Variants in TTYH3 observed in about 807,000 individuals in gnomAD.
TTYH3 encodes protein tweety homolog 3.
A neutral mutation model predicts 68.2 loss-of-function variants in TTYH3; 23 were observed. The observed-to-expected ratio is 0.34, with a 90% CI of 0.24 to 0.48. The LOEUF is 0.48. Ranked by LOEUF, TTYH3 falls within the 20% of genes least tolerant of loss-of-function variation. The pLI, the probability that TTYH3 is intolerant of heterozygous loss-of-function variation, is 0.99. For missense variants in TTYH3, 768 were observed against 727.7 expected, an observed-to-expected ratio of 1.06 and a Z score of -0.64; for synonymous variants, 360 against 332.8, an observed-to-expected ratio of 1.08 and a Z score of -0.89.
rs1271996324 is a variant in TTYH3, at chr7:2,648,971, G to GTT, written c.723-595_723-594insTT. On this transcript the variant is annotated intron_variant, in intron 5 of 13. Coordinates refer to ENST00000258796, the MANE Select transcript of TTYH3 (RefSeq NM_025250.3). ...AGTGGGGTGTGGGGCCCGCAGTGGG[G>GTT]TGTGGGGCCTGCACTGGGGTGTGTT... Among the ~76,000 whole-genome samples, 2 of 141,330 alleles carry GTT rather than the reference G, an allele frequency of 1.4e-5. 1 individual carries two copies. The highest frequency in any genetic ancestry group is 5.4e-5 in the African/African-American group (2 of 36,986). 92.7% of individuals were successfully genotyped at this position (141,330 alleles called of 152,430 possible).
In TTYH3 at chr7:2,632,232, A is replaced by T. The variant is rs1362566399; in HGVS notation, c.77A>T (p.Glu26Val). The T allele has an allele frequency of 6.3e-7, 1 of 1,586,148 alleles. No individual in the cohort carries two copies. ...CTGCCCCACTTCGACCTGAGCTGGG[A>T]GGCCACTAGCAGCCAGTTCCGGCCC... is the stretch of plus-strand genomic sequence containing the variant. ...HRLPHFDLSW[E>V]ATSSQFRPED... Residue 26 changes from glutamate (E) to valine (V), a missense_variant, in exon 1 of 14, where the codon GAG (glutamate) becomes GTG (valine). Transcript: ENST00000258796.
intron 1 of TTYH3, among the ~76,000 whole-genome samples, chr7:2,641,412 C>G (rs1250173165): frequency 7.1e-6 from 1 of 141,344 alleles, no homozygotes; most frequent in Non-Finnish European, 1.5e-5. Flanking sequence ...GGGGGTGGCC[C>G]AGGGCCGAGA....
intron 1 of TTYH3, among the ~76,000 whole-genome samples, chr7:2,643,586 A>G (rs568873370): frequency 6.2e-4 from 94 of 152,278 alleles, no homozygotes; most frequent in African/African-American, 2.2e-3. Context: ...GCCCCTGGGC[A>G]TCAGCCCTCT....
intron 11 of TTYH3, among the ~76,000 whole-genome samples, chr7:2,656,985 C>T (rs1056888732): frequency 6.6e-6 from 1 of 152,254 alleles, no homozygotes; most frequent in Admixed American, 6.5e-5. Context: ...GTCCAGGTAG[C>T]TGTGGCCTCC....
At chr7:2,652,874 C>G (rs758638795) in intron 8 of TTYH3, 44 bp from the exon 9 acceptor site, 1 of 1,466,122 alleles carries the variant, frequency 6.8e-7, no homozygotes. Flanking sequence ...GAGAGGCGGG[C>G]GGACCCAGCA....
intron 13 of TTYH3, chr7:2,660,640 A>G: frequency 1.3e-6 from 1 of 765,024 alleles, no homozygotes; most frequent in South Asian, 6.4e-5. Context: ...TCCTCCCCCC[A>G]CCCCCTCCGT....
chr7:2,645,131 C>T lies in TTYH3; in HGVS notation c.124-1722C>T, dbSNP rs1017345313. On this transcript the variant is annotated intron_variant, in intron 1 of 13. Transcript: ENST00000258796. This position sits in a 1 kb window ranked among gnomAD's most constrained non-coding sequence, Gnocchi z 4.8. ...CCCCAGCTGCTGACACCCCCCAGGG[C>T]ACCCCCAAGTTAGCCTCTAGGTGGT... Among the ~76,000 whole-genome samples, 4 of 145,282 alleles carry T rather than the reference C, an allele frequency of 2.8e-5. No individual in the cohort carries two copies. The highest frequency in any genetic ancestry group is 2.2e-4 in the South Asian group (1 of 4,464).
In TTYH3 at chr7:2,645,067, G is replaced by C. The variant is rs781742756; in HGVS notation, c.124-1786G>C. 1.3e-5 allele frequency among the ~76,000 whole-genome samples: 2 copies of C among 152,336 alleles called. No individual in the cohort carries two copies. Reference sequence around the variant, plus strand: ...CTCTGCAGTAGTGCCAATGAGGGCAGCGCAGGTGTGCCTGGTGGCCACCCC... The same window carrying C: ...CTCTGCAGTAGTGCCAATGAGGGCACCGCAGGTGTGCCTGGTGGCCACCCC... On this transcript the variant is annotated intron_variant, in intron 1 of 13. Transcript: ENST00000258796. This position sits in a 1 kb window ranked among gnomAD's most constrained non-coding sequence, Gnocchi z 4.8.
chr7:2,639,768 CTG>C, intron 1 of TTYH3, among the ~76,000 whole-genome samples: 1 of 152,326 alleles, frequency 6.6e-6, no homozygotes, highest in South Asian at 2.1e-4. Flanking sequence ...TCAGTGGCCT[CTG>C]TGGAGCCTGT....
At chr7:2,638,364 C>T (rs577461917) in intron 1 of TTYH3, among the ~76,000 whole-genome samples, 3 of 142,680 alleles carry the variant, frequency 2.1e-5, no homozygotes, top group South Asian at 2.6e-4. Context: ...AGGGGGAGGG[C>T]GGGCGTGGGC....
chr7:2,646,796 C>T (rs1583564165), intron 1 of TTYH3, 57 bp from the exon 2 acceptor site: 9 of 1,524,328 alleles, frequency 5.9e-6, no homozygotes, highest in Non-Finnish European at 7.1e-6. Context: ...TGGGGCGGGG[C>T]GTGGGACTCT....
At position 2,656,145 on chromosome 7, in the gene TTYH3, G is replaced by A. The variant is rs1041688087; in HGVS notation, c.1074G>A (p.Gln358=). 1.3e-6 allele frequency: 2 copies of A among 1,571,024 alleles called. No homozygotes were observed. The highest frequency in any genetic ancestry group is 1.4e-5 in the African/African-American group (1 of 73,916). The change falls in exon 10 of 14, where the codon CAG becomes CAA. Residue 358 remains glutamine (Q), a synonymous_variant. Transcript: ENST00000258796. Reference sequence around the variant, plus strand: ...TGAATGGCACGGAGGTGAACCTGCAGCACCTCACCGCCCTGGTGGACTGCC... The same window carrying A: ...TGAATGGCACGGAGGTGAACCTGCAACACCTCACCGCCCTGGTGGACTGCC... ...EVLNGTEVNL[Q]HLTALVDCRS...
intron 5 of TTYH3, among the ~76,000 whole-genome samples, chr7:2,648,838 G>A (rs985493247): frequency 6.6e-6 from 1 of 151,528 alleles, no homozygotes; most frequent in Non-Finnish European, 1.5e-5. Context: ...AGTAAGGGAC[G>A]CCTGGACAGA....
chr7:2,653,899 T>C (rs1390011916), intron 9 of TTYH3, among the ~76,000 whole-genome samples: 3 of 152,090 alleles, frequency 2.0e-5, no homozygotes, highest in Non-Finnish European at 4.4e-5. Context: ...AATACGTTGC[T>C]ATACTCTTGA....
Position 2,646,910 on chromosome 7 carries a change from C to T in TTYH3, c.181C>T (p.Leu61=). ...LACLALDLLF[L]LFYSFWLCCR... ...CTGCCTCGCCCTGGACCTCCTCTTC[C>T]TGCTCTTCTACTCCTTCTGGCTGTG... Residue 61 remains leucine (L), a synonymous_variant, in exon 2 of 14, where the codon CTG becomes TTG. Coordinates refer to ENST00000258796, the MANE Select transcript of TTYH3 (RefSeq NM_025250.3). 1 of 1,600,014 alleles carries T rather than the reference C, an allele frequency of 6.2e-7. No homozygotes were observed. Among genetic ancestry groups the T allele is most frequent in the Non-Finnish European group, 8.5e-7 (1 of 1,179,406 alleles).
intron 1 of TTYH3, 133 bp downstream of exon 1, chr7:2,632,411 T>A: frequency 1.1e-6 from 1 of 907,760 alleles, no homozygotes; most frequent in South Asian, 2.4e-5. Context: ...GGCCACCTCC[T>A]CCTCGCAGGT....
intron 1 of TTYH3, among the ~76,000 whole-genome samples, chr7:2,640,838 C>T (rs1312576939): frequency 6.6e-6 from 1 of 152,226 alleles, no homozygotes; most frequent in Non-Finnish European, 1.5e-5. Context: ...CTCCCTTCTC[C>T]AAGCAGGGCT....
chr7:2,660,078 C>T (rs1471490532), intron 13 of TTYH3: 15 of 1,288,200 alleles, frequency 1.2e-5, no homozygotes, highest in Non-Finnish European at 1.5e-5. Flanking sequence ...CACGGCCACC[C>T]GCCTGCGCCT....
Position 2,632,256 on chromosome 7 carries a change from C to T in TTYH3, c.101C>T (p.Pro34Leu), listed in dbSNP as rs1785541876. ...SWEATSSQFRPEDTDYQQALL... is the reference protein window; with the variant it reads ...SWEATSSQFRLEDTDYQQALL... ...GAGGCCACTAGCAGCCAGTTCCGGCCCGAGGACACCGACTACCAGCAGGTG... is the reference window on the plus strand; with the variant it reads ...GAGGCCACTAGCAGCCAGTTCCGGCTCGAGGACACCGACTACCAGCAGGTG... Residue 34 changes from proline (P) to leucine (L), a missense_variant, in exon 1 of 14, where the codon CCC becomes CTC. Pro to Leu is a moderately conservative substitution (Grantham distance 98). Coordinates refer to ENST00000258796, the MANE Select transcript of TTYH3 (RefSeq NM_025250.3). 1 of 1,585,580 alleles carries T rather than the reference C, an allele frequency of 6.3e-7. No individual in the cohort carries two copies. The highest frequency in any genetic ancestry group is 8.6e-7 in the Non-Finnish European group (1 of 1,163,878).
Sources: gnomAD v4.1 joint callset for allele counts (sites outside exome capture counted in the v4.1 genomes callset) on GRCh38, gnomAD v4.1.1 for gene constraint, Gnocchi (gnomAD v3.1) non-coding constraint, MANE v1.5 for transcripts, NCBI Gene and HGNC (gene_info 2026-07-23, HGNC 2026-07-21) for gene names.